The following OTUD7A variants were observed in gnomAD, a reference collection of about 807,000 sequenced individuals.
OTUD7A encodes OTU domain-containing protein 7A.
In OTUD7A, 12 loss-of-function variants were observed where a neutral mutation model predicts 65.7. That is an observed-to-expected ratio of 0.18 (90% CI 0.12 to 0.30). OTUD7A has a LOEUF of 0.30. OTUD7A is among the 10% of genes least tolerant of loss of function. The pLI is 1.00. For synonymous variants in OTUD7A, 641 were observed against 586.3 expected (o/e 1.09, Z -1.35); for missense variants, 1,148 against 1,304.8 (o/e 0.88, Z 1.85).
intron 1 of OTUD7A, among the ~76,000 whole-genome samples, chr15:31,757,387 T>C (rs984755417): frequency 4.0e-5 from 6 of 150,726 alleles, no homozygotes; most frequent in Non-Finnish European, 8.9e-5. Flanking sequence ...ATATAAAGGG[T>C]TCTTGGCACA....
At chr15:31,647,405 C>A (rs949442282) in intron 3 of OTUD7A, among the ~76,000 whole-genome samples, 1 of 152,234 alleles carries the variant, frequency 6.6e-6, no homozygotes, top group Admixed American at 6.5e-5. Flanking sequence ...AAATAAGGCA[C>A]AACCAAACAC....
chr15:31,669,474 G>C (rs538053849), intron 1 of OTUD7A, among the ~76,000 whole-genome samples: 1 of 152,166 alleles, frequency 6.6e-6, no homozygotes, highest in Non-Finnish European at 1.5e-5. Flanking sequence ...CATGCAGTCC[G>C]AAGGGCCGGT....
intron 1 of OTUD7A, among the ~76,000 whole-genome samples, chr15:31,799,446 G>A (rs1014318045): frequency 6.6e-5 from 10 of 152,196 alleles, no homozygotes; most frequent in East Asian, 1.9e-4. Context: ...ATGTGGAGGT[G>A]GGGCTTTTGG....
chr15:31,702,568 G>A (rs1238087182), intron 1 of OTUD7A, among the ~76,000 whole-genome samples: 2 of 150,728 alleles, frequency 1.3e-5, no homozygotes, highest in African/African-American at 2.4e-5. Flanking sequence ...CTTGTATGCT[G>A]AACACCATAA....
intron 1 of OTUD7A, among the ~76,000 whole-genome samples, chr15:31,867,641 C>T (rs886328558): frequency 2.0e-5 from 3 of 152,210 alleles, no homozygotes; most frequent in African/African-American, 7.2e-5. Flanking sequence ...GGCACATTCA[C>T]GCCATGACCA....
chr15:31,511,139 CAT>C (rs1169158469), intron 8 of OTUD7A, among the ~76,000 whole-genome samples: 4 of 25,114 alleles, frequency 1.6e-4, no homozygotes, highest in Non-Finnish European at 2.5e-4. Context: ...CTATATGTAA[CAT>C]ACATATGTAT....
At chr15:31,485,865 C>G (rs2041229507) in intron 12 of OTUD7A, among the ~76,000 whole-genome samples, 2 of 152,170 alleles carry the variant, frequency 1.3e-5, no homozygotes, top group South Asian at 4.1e-4. Flanking sequence ...ACCAGGTCAC[C>G]CCAAAGCAAA....
intron 4 of OTUD7A, among the ~76,000 whole-genome samples, chr15:31,567,563 G>A (rs1888914701): frequency 6.6e-6 from 1 of 152,206 alleles, no homozygotes; most frequent in Admixed American, 6.5e-5. Flanking sequence ...GCAGCCTGAG[G>A]AGCAACTACT....
intron 1 of OTUD7A, among the ~76,000 whole-genome samples, chr15:31,742,992 A>G (rs967458723): frequency 6.6e-6 from 1 of 152,116 alleles, no homozygotes; most frequent in Non-Finnish European, 1.5e-5. Context: ...ATATAGACAA[A>G]TCCATAACCA....
chr15:31,648,793 G>A (rs927757975), intron 3 of OTUD7A, among the ~76,000 whole-genome samples: 48 of 152,150 alleles, frequency 3.2e-4, no homozygotes, highest in Admixed American at 3.1e-3. Flanking sequence ...ATGGAGTCTC[G>A]CTCTGTCTCC....
At chr15:31,842,321 A>G (rs1212475079) in intron 1 of OTUD7A, among the ~76,000 whole-genome samples, 1 of 152,240 alleles carries the variant, frequency 6.6e-6, no homozygotes, top group Non-Finnish European at 1.5e-5. Context: ...GCATTTATTA[A>G]GCTGCAAACT....
chr15:31,657,363 CT>C (rs71424606), intron 1 of OTUD7A, among the ~76,000 whole-genome samples: 67 of 146,576 alleles, frequency 4.6e-4, no homozygotes, highest in Admixed American at 6.8e-4. Context: ...TTTCCTTTTT[CT>C]TTTTTTTTTT....
intron 1 of OTUD7A, among the ~76,000 whole-genome samples, chr15:31,732,591 C>T (rs775882309): frequency 1.3e-5 from 2 of 152,248 alleles, no homozygotes; most frequent in Non-Finnish European, 2.9e-5. Flanking sequence ...CTTGGAAACG[C>T]CACAGCGTGG....
At chr15:31,559,763 A>G (rs1888628988) in intron 4 of OTUD7A, among the ~76,000 whole-genome samples, 1 of 152,236 alleles carries the variant, frequency 6.6e-6, no homozygotes, top group Non-Finnish European at 1.5e-5. Context: ...ACACACAAAT[A>G]CACAGGACAC....
At chr15:31,794,138 T>C (rs1013224748) in intron 1 of OTUD7A, among the ~76,000 whole-genome samples, 2 of 152,224 alleles carry the variant, frequency 1.3e-5, no homozygotes, top group African/African-American at 2.4e-5. Flanking sequence ...TTTTTCTCTA[T>C]ATGGAAAATT....
chr15:31,777,995 C>T (rs1021364642), intron 1 of OTUD7A, among the ~76,000 whole-genome samples: 1 of 152,074 alleles, frequency 6.6e-6, no homozygotes, highest in Non-Finnish European at 1.5e-5. Flanking sequence ...GGCTCTTAGA[C>T]ACGGTTCTGG....
intron 8 of OTUD7A, among the ~76,000 whole-genome samples, chr15:31,522,243 G>A (rs2041947551): frequency 6.6e-6 from 1 of 152,164 alleles, no homozygotes; most frequent in Non-Finnish European, 1.5e-5. Context: ...AATATGGGTG[G>A]GGCTCATCTG....
At chr15:31,571,995 TTTC>T (rs750747022) in intron 3 of OTUD7A, among the ~76,000 whole-genome samples, 2 of 152,206 alleles carry the variant, frequency 1.3e-5, no homozygotes, top group African/African-American at 2.4e-5. Flanking sequence ...TCCCCTAATT[TTTC>T]TTCTTGCTCT....
chr15:31,834,359 T>C (rs1897004758), intron 1 of OTUD7A, among the ~76,000 whole-genome samples: 1 of 152,234 alleles, frequency 6.6e-6, no homozygotes, highest in Non-Finnish European at 1.5e-5. Context: ...CAACAGCTCT[T>C]TCCCCAGTCA....
Sources: allele counts gnomAD v4.1 joint callset (sites outside exome capture counted in the v4.1 genomes callset), GRCh38; gene constraint gnomAD v4.1.1; transcripts MANE v1.5; gene names NCBI Gene and HGNC (gene_info 2026-07-23, HGNC 2026-07-21).